ROR1: variants seen among roughly 807,000 people sequenced by gnomAD.
The protein encoded by ROR1 is inactive tyrosine-protein kinase transmembrane receptor ROR1.
In ROR1, 19 loss-of-function variants were observed where a neutral mutation model predicts 78.8. The ratio of observed to expected loss-of-function variants is 0.24; its 90% CI spans 0.17 to 0.35. ROR1 has a LOEUF of 0.35. Ranked by LOEUF, ROR1 falls within the 10% of genes least tolerant of loss-of-function variation. The pLI is 1.00. For synonymous variants in ROR1, 386 were observed against 433.6 expected, an observed-to-expected ratio of 0.89 and a Z score of 1.36; for missense variants, 917 against 1,177.8, an observed-to-expected ratio of 0.78 and a Z score of 3.24.
chr1:63,833,960 G>A (rs570246797), intron 1 of ROR1, among the ~76,000 whole-genome samples: 3 of 150,116 alleles, frequency 2.0e-5, no homozygotes, highest in South Asian at 2.1e-4. Context: ...TTTCCGTCTC[G>A]AGGGCTTTTT....
chr1:63,983,006 G>A (rs547018823), intron 1 of ROR1, among the ~76,000 whole-genome samples: 6 of 152,284 alleles, frequency 3.9e-5, no homozygotes, highest in Admixed American at 3.9e-4. Context: ...TATGTACTCT[G>A]TAAATGTTAC....
chr1:63,795,134 T>C (rs559388332), intron 1 of ROR1, among the ~76,000 whole-genome samples: 2 of 151,888 alleles, frequency 1.3e-5, no homozygotes, highest in African/African-American at 2.4e-5. Context: ...GGTGGGAGGG[T>C]TGGCAGCCAG....
chr1:64,096,455 A>G (rs548813645), intron 4 of ROR1, among the ~76,000 whole-genome samples: 15 of 152,138 alleles, frequency 9.9e-5, no homozygotes, highest in Non-Finnish European at 1.9e-4. Context: ...TGTTCTCATC[A>G]TTTAGCTCCT....
At chr1:64,152,038 G>A (rs1649642537) in intron 7 of ROR1, among the ~76,000 whole-genome samples, 1 of 152,164 alleles carries the variant, frequency 6.6e-6, no homozygotes, top group Non-Finnish European at 1.5e-5. Flanking sequence ...ACTTCAAAGT[G>A]ATTATGGAAT....
chr1:64,064,737 C>T (rs546924268), intron 4 of ROR1, among the ~76,000 whole-genome samples: 1 of 152,226 alleles, frequency 6.6e-6, no homozygotes, highest in African/African-American at 2.4e-5. Context: ...AAGGTCAAGG[C>T]TGAGGGGGCA....
At chr1:64,012,950 G>A (rs1009777093) in intron 2 of ROR1, among the ~76,000 whole-genome samples, 2 of 152,150 alleles carry the variant, frequency 1.3e-5, no homozygotes, top group South Asian at 2.1e-4. Context: ...GAGATAATAC[G>A]GTGGTTTAGA....
At chr1:64,052,948 C>A (rs1160346670) in intron 4 of ROR1, among the ~76,000 whole-genome samples, 1 of 152,102 alleles carries the variant, frequency 6.6e-6, no homozygotes, top group Non-Finnish European at 1.5e-5. Flanking sequence ...CTGAGACTAA[C>A]TCCCAGAAAG....
chr1:63,833,537 G>C (rs555130435), intron 1 of ROR1, among the ~76,000 whole-genome samples: 12 of 152,302 alleles, frequency 7.9e-5, no homozygotes, highest in Non-Finnish European at 1.3e-4. Flanking sequence ...TGGCTAGCTC[G>C]GGGACGAGCC....
At chr1:63,941,478 G>A (rs1046897324) in intron 1 of ROR1, among the ~76,000 whole-genome samples, 1 of 152,198 alleles carries the variant, frequency 6.6e-6, no homozygotes, top group African/African-American at 2.4e-5. Context: ...GGTTTTTTAA[G>A]TATTGGAGTA....
chr1:64,107,845 G>C (rs894263093), intron 4 of ROR1, among the ~76,000 whole-genome samples: 1 of 152,136 alleles, frequency 6.6e-6, no homozygotes, highest in Non-Finnish European at 1.5e-5. Context: ...AGTGAAGGTA[G>C]GGTAGAATAA....
At chr1:63,882,919 AGAAAATTAAGGACTGTCTT>A (rs1234206165) in intron 1 of ROR1, among the ~76,000 whole-genome samples, 1,618 of 152,256 alleles carry the variant, frequency 0.011, 29 homozygotes, top group African/African-American at 0.037. Flanking sequence ...ACCCAGAAAG[AGAAAATTAAGGACTGTCTT>A]CAAATATTTT....
chr1:63,996,697 T>G (rs1181731290), intron 1 of ROR1, among the ~76,000 whole-genome samples: 7 of 152,186 alleles, frequency 4.6e-5, no homozygotes, highest in Admixed American at 3.3e-4. Flanking sequence ...TAGTTCTTTT[T>G]TTCCCCCCTT....
At chr1:64,003,119 G>A (rs773741737) in intron 1 of ROR1, among the ~76,000 whole-genome samples, 12 of 151,942 alleles carry the variant, frequency 7.9e-5, no homozygotes, top group East Asian at 1.9e-4. Context: ...GACTGTTGAC[G>A]GTTGAGAAGA....
chr1:64,113,441 T>G (rs1306227803), intron 4 of ROR1, among the ~76,000 whole-genome samples: 1 of 152,164 alleles, frequency 6.6e-6, no homozygotes, highest in African/African-American at 2.4e-5. Flanking sequence ...TTAGCCCCAT[T>G]GTACAGATGA....
intron 1 of ROR1, among the ~76,000 whole-genome samples, chr1:63,903,687 A>T (rs901044409): frequency 5.3e-5 from 8 of 152,024 alleles, no homozygotes; most frequent in African/African-American, 1.9e-4. Flanking sequence ...ATGTGCACAG[A>T]TTATATAACT....
intron 1 of ROR1, among the ~76,000 whole-genome samples, chr1:63,916,509 A>C (rs2100423086): frequency 6.6e-6 from 1 of 152,348 alleles, no homozygotes; most frequent in East Asian, 1.9e-4. Flanking sequence ...GTTTAATGTA[A>C]ATACACCTGC....
intron 1 of ROR1, among the ~76,000 whole-genome samples, chr1:63,968,216 G>A (rs1009432626): frequency 6.6e-6 from 1 of 152,138 alleles, no homozygotes; most frequent in Admixed American, 6.5e-5. Flanking sequence ...TATGGATAAA[G>A]TGACTATAAC....
chr1:63,857,114 G>A (rs1043258643), intron 1 of ROR1, among the ~76,000 whole-genome samples: 2 of 151,506 alleles, frequency 1.3e-5, no homozygotes, highest in East Asian at 1.9e-4. Context: ...TAAATAAATA[G>A]GATTCAATTT....
chr1:63,863,761 GTAT>G (rs1645197188), intron 1 of ROR1, among the ~76,000 whole-genome samples: 1 of 149,320 alleles, frequency 6.7e-6, no homozygotes, highest in African/African-American at 2.5e-5. Context: ...GTATTGTATT[GTAT>G]TGTATTGTAT....
Sources: allele counts gnomAD v4.1 joint callset (sites outside exome capture counted in the v4.1 genomes callset), GRCh38; gene constraint gnomAD v4.1.1; transcripts MANE v1.5; gene names NCBI Gene and HGNC (gene_info 2026-07-23, HGNC 2026-07-21).